PTK2B: variants seen among roughly 807,000 people sequenced by gnomAD.
PTK2B encodes the protein protein-tyrosine kinase 2-beta.
PTK2B carries 71 observed loss-of-function variants against 142.9 expected under a neutral mutation model. The observed-to-expected ratio is 0.50, with a 90% CI of 0.41 to 0.61. The LOEUF is 0.61. Ranked by LOEUF, PTK2B falls within the 20% of genes least tolerant of loss-of-function variation. The pLI, the probability that PTK2B is intolerant of heterozygous loss-of-function variation, is 0.00. For missense variants in PTK2B, 1,105 were observed against 1,320.4 expected (o/e 0.84, Z 2.53); for synonymous variants, 519 against 503.4 (o/e 1.03, Z -0.42).
upstream of PTK2B, chr8:27,323,548 T>C (rs1316370): frequency 0.74 from 112,845 of 152,098 alleles, 42,557 homozygotes; most frequent in African/African-American, 0.81. Flanking sequence ...TTATTGCAAC[T>C]TATGCCATAT....
intron 1 of PTK2B, among the ~76,000 whole-genome samples, chr8:27,395,512 C>T (rs558927516): frequency 6.6e-6 from 1 of 152,268 alleles, no homozygotes; most frequent in East Asian, 1.9e-4. Flanking sequence ...TGCCACTGTT[C>T]CCTCCTGTGT....
In PTK2B at chr8:27,422,438, C is replaced by A. The variant is rs1809819601; in HGVS notation, c.551+55C>A. 20 of 1,419,742 alleles carry A rather than the reference C, an allele frequency of 1.4e-5. No homozygotes were observed. The South Asian group carries it at 2.6e-4, about 18-fold the overall frequency. The allele number at this position is 1,419,742 out of a possible 1,614,324, so 87.9% of individuals were successfully genotyped here. A position where few individuals can be genotyped will look rare whatever the true frequency, so the allele number is the denominator to read the frequency against. On this transcript the variant is annotated intron_variant, in intron 5 of 30. Transcript: ENST00000346049. ...GGCGCTGTGCTGAGCTCTGGGCAGG[C>A]CCGACCTTTCCCCATGTCCAAGATG...
chr8:27,381,260 G>C (rs903004582), intron 1 of PTK2B, among the ~76,000 whole-genome samples: 1 of 152,060 alleles, frequency 6.6e-6, no homozygotes, highest in Non-Finnish European at 1.5e-5. Context: ...TCACCCTACA[G>C]AGCTACAGAA....
intron 2 of PTK2B, among the ~76,000 whole-genome samples, chr8:27,409,945 C>A (rs1222714407): frequency 2.0e-5 from 3 of 152,178 alleles, no homozygotes; most frequent in African/African-American, 7.2e-5. Context: ...TAGTCTCGAA[C>A]TCCTGACCTC....
At chr8:27,356,955 T>C (rs1805426320) in intron 1 of PTK2B, among the ~76,000 whole-genome samples, 1 of 152,190 alleles carries the variant, frequency 6.6e-6, no homozygotes, top group Admixed American at 6.5e-5. Context: ...CTTTTCACGG[T>C]GATGAAACAG....
At chr8:27,322,591 C>G (rs1803244421), upstream of PTK2B, 1 of 152,166 alleles carries the variant, frequency 6.6e-6, no homozygotes, top group Non-Finnish European at 1.5e-5. Context: ...ATTTGTACAC[C>G]TATCACTTAA....
intron 1 of PTK2B, among the ~76,000 whole-genome samples, chr8:27,338,585 A>C (rs189996206): frequency 7.9e-5 from 12 of 152,328 alleles, no homozygotes; most frequent in Non-Finnish European, 8.8e-5. Flanking sequence ...TGCTGAATCT[A>C]TATTATAGTA....
At chr8:27,311,516 T>C (rs182505552) in exon 1 of PTK2B, 319 of 506,698 alleles carry the variant, frequency 6.3e-4, no homozygotes, top group African/African-American at 5.5e-3. Flanking sequence ...GGCGGGTCCC[T>C]GGCCGGGGTA....
At chr8:27,374,887 C>T (rs940129494) in intron 1 of PTK2B, among the ~76,000 whole-genome samples, 22 of 152,174 alleles carry the variant, frequency 1.4e-4, no homozygotes, top group South Asian at 8.3e-4. Flanking sequence ...ATGCAAAGCA[C>T]TGCACTATGT....
intron 1 of PTK2B, among the ~76,000 whole-genome samples, chr8:27,334,390 C>T (rs944234805): frequency 2.6e-5 from 4 of 152,148 alleles, no homozygotes; most frequent in African/African-American, 7.2e-5. Context: ...CTCTGGCAAG[C>T]CTCTGCTCAA....
chr8:27,432,455 C>A (rs1190504595), intron 10 of PTK2B, 94 bp downstream of exon 10: 1 of 1,133,478 alleles, frequency 8.8e-7, no homozygotes, highest in East Asian at 2.6e-5. Context: ...CTGTGACACA[C>A]AGGAAGCCAG....
At chr8:27,316,190 C>CA (rs1234260510) in intron 3 of PTK2B, among the ~76,000 whole-genome samples, 5 of 152,194 alleles carry the variant, frequency 3.3e-5, no homozygotes, top group African/African-American at 1.2e-4. Flanking sequence ...GCCAGATTTC[C>CA]AAACCCCTTG....
At chr8:27,438,351 G>C (rs1032775881) in intron 18 of PTK2B, among the ~76,000 whole-genome samples, 2 of 109,566 alleles carry the variant, frequency 1.8e-5, no homozygotes, top group African/African-American at 7.3e-5. Context: ...TGTGGAGTTG[G>C]CCCCTGCTTT....
intron 27 of PTK2B, 188 bp from the exon 28 acceptor site, chr8:27,452,926 G>A (rs1405221562): frequency 6.1e-6 from 4 of 652,728 alleles, no homozygotes; most frequent in African/African-American, 5.5e-5. Flanking sequence ...CAACAGTGCT[G>A]TCCCTGACTA....
intron 12 of PTK2B, 130 bp from the exon 13 acceptor site, chr8:27,434,383 C>A: frequency 8.6e-7 from 1 of 1,162,434 alleles, no homozygotes; most frequent in Admixed American, 2.4e-5. Context: ...GGGCTGTGCT[C>A]CCAGGTCATT....
At chr8:27,431,233 G>C in intron 8 of PTK2B, 165 bp from the exon 9 acceptor site, 2 of 1,506,420 alleles carry the variant, frequency 1.3e-6, no homozygotes, top group Non-Finnish European at 1.8e-6. Context: ...GGCAGGACAG[G>C]CAAGGTGTCA....
At chr8:27,450,939 G>A (rs1447989636) in intron 25 of PTK2B, 44 bp downstream of exon 25, 2 of 1,613,834 alleles carry the variant, frequency 1.2e-6, no homozygotes, top group African/African-American at 1.3e-5. Flanking sequence ...ACCCATCTGT[G>A]TCCTCTTCCA....
intron 1 of PTK2B, among the ~76,000 whole-genome samples, chr8:27,378,935 G>A (rs575992827): frequency 1.3e-5 from 2 of 152,066 alleles, no homozygotes; most frequent in African/African-American, 2.4e-5. Context: ...AATGAACAAA[G>A]AGCTAAAGGA....
rs766221419 is a variant in PTK2B at position 27,437,163 on chromosome 8, A to G, written c.1383A>G (p.Lys461=). 7 of 1,614,000 alleles carry G rather than the reference A, an allele frequency of 4.3e-6. No homozygotes were observed. In the South Asian group the frequency reaches 5.5e-5, roughly 13 times the overall value. ...ATGTAGCTGTCAAGACCTGCAAGAAAGACTGCACTCTGGACAACAAGGAGA... is the reference window on the plus strand; with the variant it reads ...ATGTAGCTGTCAAGACCTGCAAGAAGGACTGCACTCTGGACAACAAGGAGA... ...KINVAVKTCK[K]DCTLDNKEKF... Residue 461 remains lysine, a synonymous_variant, in exon 16 of 31, where the codon AAA becomes AAG. Coordinates refer to ENST00000346049, the MANE Select transcript of PTK2B (RefSeq NM_173176.3).
Sources: gnomAD v4.1 joint callset for allele counts (sites outside exome capture counted in the v4.1 genomes callset) on GRCh38, gnomAD v4.1.1 for gene constraint, MANE v1.5 for transcripts, NCBI Gene and HGNC (gene_info 2026-07-23, HGNC 2026-07-21) for gene names.